The following CYP2E1 variants were observed in gnomAD, a reference collection of about 807,000 sequenced individuals.
CYP2E1 encodes the protein cytochrome P450 2E1.
In CYP2E1, 31 loss-of-function variants were observed where a neutral mutation model predicts 42.9. The observed-to-expected ratio is 0.72, with a 90% CI of 0.54 to 0.98. CYP2E1 has a LOEUF of 0.98. Among genes scored for constraint, CYP2E1 ranks in the 50% least tolerant of loss-of-function variants. CYP2E1 has a pLI of 0.00. For synonymous variants in CYP2E1, 244 were observed against 248.9 expected (o/e 0.98, Z 0.19); for missense variants, 565 against 633.2 (o/e 0.89, Z 1.16).
At chr10:133,531,772 C>T (rs540716306) in intron 3 of CYP2E1, 38 bp downstream of exon 3, 2 of 1,547,948 alleles carry the variant, frequency 1.3e-6, no homozygotes, top group Non-Finnish European at 1.7e-6. Context: ...AGTCCTCTTG[C>T]AGACCAGCGG....
intron 2 of CYP2E1, among the ~76,000 whole-genome samples, chr10:133,530,130 C>T (rs748288604): frequency 1.3e-5 from 2 of 152,108 alleles, no homozygotes; most frequent in Non-Finnish European, 2.9e-5. Context: ...TCATATGACC[C>T]GCAGGGCGCA....
At position 133,538,988 on chromosome 10, in the gene CYP2E1, C is replaced by G; in HGVS notation, c.*24C>G. 1 of 1,539,014 alleles carries G rather than the reference C, an allele frequency of 6.5e-7. No homozygotes were observed. Among genetic ancestry groups the G allele is most frequent in the East Asian group, 2.3e-5 (1 of 42,800 alleles). ...GAGTGTGTGGAGGACACCCTGAACC[C>G]CCCGCTTTCAAACAAGTTTTCAAAT... is the stretch of plus-strand genomic sequence containing the variant. On this transcript the variant is annotated 3_prime_UTR_variant, in exon 9 of 9. Coordinates refer to ENST00000252945, the MANE Select transcript of CYP2E1 (RefSeq NM_000773.4).
chr10:133,532,754 A>C lies in CYP2E1; in HGVS notation c.711A>C (p.Lys237Asn). Reference protein sequence around the residue: ...YLPGSHRKVIKNVAEVKEYVS... With the variant: ...YLPGSHRKVINNVAEVKEYVS... ...CTGGAAGCCACAGAAAAGTCATAAA[A>C]AATGTGGCTGAAGTAAAAGAGTATG... The change falls in exon 5 of 9, where the codon AAA (lysine) becomes AAC (asparagine). Residue 237 changes from lysine to asparagine, a missense_variant. Coordinates refer to ENST00000252945, the MANE Select transcript of CYP2E1 (RefSeq NM_000773.4). The C allele has an allele frequency of 6.2e-7, 1 of 1,613,570 alleles. No homozygotes were observed. Among genetic ancestry groups the C allele is most frequent in the Non-Finnish European group, 8.5e-7 (1 of 1,179,848 alleles).
At chr10:133,532,634 C>A in intron 4 of CYP2E1, 58 bp from the exon 5 acceptor site, 3 of 1,423,374 alleles carry the variant, frequency 2.1e-6, no homozygotes, top group East Asian at 2.3e-5. Flanking sequence ...GTTGGTCCAA[C>A]ACACACAATT....
chr10:133,528,179 T>G, intron 1 of CYP2E1: 1 of 292,368 alleles, frequency 3.4e-6, no homozygotes. Flanking sequence ...ACGGGGTGGT[T>G]GGTGGGCGCG....
intron 2 of CYP2E1, 73 bp from the exon 3 acceptor site, chr10:133,531,512 C>T: frequency 1.3e-6 from 2 of 1,556,718 alleles, no homozygotes; most frequent in East Asian, 2.2e-5. Flanking sequence ...CCCTGCTCTC[C>T]AAGGCCCTCT....
chr10:133,529,162 G>A (rs550645395), intron 2 of CYP2E1, among the ~76,000 whole-genome samples: 3 of 152,342 alleles, frequency 2.0e-5, no homozygotes, highest in Admixed American at 1.3e-4. Context: ...GAGACCCACT[G>A]AAATCCTATC....
chr10:133,538,493 C>G (rs1851433208), intron 8 of CYP2E1, among the ~76,000 whole-genome samples: 1 of 152,178 alleles, frequency 6.6e-6, no homozygotes, highest in Admixed American at 6.5e-5. Flanking sequence ...GGGGTGCCTT[C>G]TTTACTGGGC....
chr10:133,537,532 C>T, intron 7 of CYP2E1: 1 of 600,396 alleles, frequency 1.7e-6, no homozygotes, highest in Non-Finnish European at 2.9e-6. Flanking sequence ...CACAACCAGC[C>T]CTGGGGTTAA....
chr10:133,532,096 C>T, intron 3 of CYP2E1, 28 bp from the exon 4 acceptor site: 1 of 1,605,392 alleles, frequency 6.2e-7, no homozygotes. Context: ...CCCCCATCTT[C>T]TGGTTGCCCT....
chr10:133,537,133 G>A lies in CYP2E1; in HGVS notation c.1038G>A (p.Glu346=). ...SRIPAIKDRQ[E]MPYMDAVVHE... ...TCCCTGCCATCAAGGATAGGCAAGA[G>A]ATGCCCTACATGGATGCTGTGGTGC... The change falls in exon 7 of 9, where the codon GAG becomes GAA. Residue 346 remains glutamate, a synonymous_variant. Transcript: ENST00000252945. The A allele has an allele frequency of 6.2e-7, 1 of 1,614,104 alleles. No homozygotes were observed. The highest frequency in any genetic ancestry group is 8.5e-7 in the Non-Finnish European group (1 of 1,179,990).
At chr10:133,529,386 C>T (rs1336311564) in intron 2 of CYP2E1, among the ~76,000 whole-genome samples, 6 of 152,230 alleles carry the variant, frequency 3.9e-5, no homozygotes, top group Admixed American at 3.9e-4. Flanking sequence ...TGCCTGCAGA[C>T]CTGGCCTGCT....
chr10:133,528,033 G>A (rs1239348902), intron 1 of CYP2E1: 7 of 220,380 alleles, frequency 3.2e-5, no homozygotes, highest in Middle Eastern at 1.7e-3. Context: ...CCGTCAGCAC[G>A]GAGCAGGCGC....
rs1466775994 is a variant in CYP2E1, at chr10:133,528,555, G to A, written c.252G>A (p.Lys84=). The change falls in exon 2 of 9, where the codon AAG becomes AAA. Residue 84 remains lysine, a synonymous_variant. Transcript: ENST00000252945. ...GCATGGTGGTGATGCACGGCTACAA[G>A]GCGGTGAAGGAAGCGCTGCTGGACT... The part of the protein sequence containing the change: ...SQRMVVMHGY[K]AVKEALLDYK... 6.2e-7 allele frequency: 1 copy of A among 1,613,434 alleles called. No individual in the cohort carries two copies. Among genetic ancestry groups the A allele is most frequent in the Non-Finnish European group, 8.5e-7 (1 of 1,179,962 alleles).
chr10:133,527,812 G>A (rs893822420), intron 1 of CYP2E1, among the ~76,000 whole-genome samples: 1 of 152,198 alleles, frequency 6.6e-6, no homozygotes, highest in Non-Finnish European at 1.5e-5. Flanking sequence ...GGCTGATGAT[G>A]GGGAGGCCGG....
rs767991736 is a variant in CYP2E1, at chr10:133,537,905, A to G, written c.1297+13A>G. The G allele has an allele frequency of 1.9e-6, 3 of 1,612,044 alleles. No individual in the cohort carries two copies. Among genetic ancestry groups the G allele is most frequent in the Non-Finnish European group, 2.5e-6 (3 of 1,178,816 alleles). Reference sequence around the variant, plus strand: ...CCATTTTCCACAGGTGAGAAAGATCAGAGGCAGTACCTTCCCTTGAGGAGC... The same window carrying G: ...CCATTTTCCACAGGTGAGAAAGATCGGAGGCAGTACCTTCCCTTGAGGAGC... On this transcript the variant is annotated intron_variant, in intron 8 of 8. Coordinates refer to ENST00000252945, the MANE Select transcript of CYP2E1 (RefSeq NM_000773.4).
intron 1 of CYP2E1, chr10:133,528,118 C>T (rs1851292460): frequency 1.2e-5 from 3 of 245,500 alleles, no homozygotes; most frequent in Non-Finnish European, 2.4e-5. Context: ...TGCTCCAGCT[C>T]GGGCTCCCGC....
At chr10:133,537,649 A>G in intron 7 of CYP2E1, 102 bp from the exon 8 acceptor site, 3 of 999,964 alleles carry the variant, frequency 3.0e-6, no homozygotes, top group Non-Finnish European at 4.6e-6. Context: ...ATACTATCCT[A>G]TATAGCATAA....
rs759847516 is a variant in CYP2E1 at position 133,537,220 on chromosome 10, C to G, written c.1125C>G (p.Asp375Glu). 8 of 1,613,866 alleles carry G rather than the reference C, an allele frequency of 5.0e-6. No individual in the cohort carries two copies. In the African/African-American group the frequency reaches 1.1e-4, roughly 22 times the overall value. ...PSNLPHEATR[D>E]TIFRGYLIPK... ...ACCTGCCCCATGAAGCAACCCGAGA[C>G]ACCATTTTCAGAGGATACCTCATCC... The change falls in exon 7 of 9, where the codon GAC becomes GAG. Residue 375 changes from aspartate (D) to glutamate (E), a missense_variant. Physicochemically the swap from Asp to Glu is conservative, Grantham distance 45 (BLOSUM62 2). Coordinates refer to ENST00000252945, the MANE Select transcript of CYP2E1 (RefSeq NM_000773.4).
Sources: gnomAD v4.1 joint callset for allele counts (sites outside exome capture counted in the v4.1 genomes callset) on GRCh38, gnomAD v4.1.1 for gene constraint, MANE v1.5 for transcripts, NCBI Gene and HGNC (gene_info 2026-07-23, HGNC 2026-07-21) for gene names.